AFG1L: variants seen among roughly 807,000 people sequenced by gnomAD.
AFG1L encodes the protein AFG1-like ATPase.
AFG1L carries 53 observed loss-of-function variants against 62.2 expected under a neutral mutation model. The observed-to-expected ratio is 0.85, with a 90% confidence interval of 0.68 to 1.07. The LOEUF is 1.07. Among genes scored for constraint, AFG1L ranks in the 50% least tolerant of loss-of-function variants. AFG1L has a pLI of 0.00. For synonymous variants in AFG1L, 228 were observed against 210.3 expected, an observed-to-expected ratio of 1.08 and a Z score of -0.73; for missense variants, 555 against 590.5, an observed-to-expected ratio of 0.94 and a Z score of 0.62.
chr6:108,485,643 TATATATATATA>T (rs1562189750), intron 10 of AFG1L, among the ~76,000 whole-genome samples: 14 of 19,374 alleles, frequency 7.2e-4, no homozygotes, highest in African/African-American at 3.3e-3. Context: ...TATATATATA[TATATATATATA>T]TATTTTTTTT....
intron 2 of AFG1L, among the ~76,000 whole-genome samples, chr6:108,342,301 G>C (rs1319518888): frequency 6.6e-6 from 1 of 152,178 alleles, no homozygotes; most frequent in African/African-American, 2.4e-5. Flanking sequence ...TCAGGGGAGG[G>C]GAGCACATGG....
intron 5 of AFG1L, among the ~76,000 whole-genome samples, chr6:108,362,235 T>A (rs1779568195): frequency 1.3e-5 from 2 of 152,176 alleles, no homozygotes; most frequent in Admixed American, 1.3e-4. Flanking sequence ...TAAAAAATGG[T>A]GTCTTGTTTT....
chr6:108,368,766 G>A (rs1251178537), intron 6 of AFG1L, among the ~76,000 whole-genome samples: 1 of 152,176 alleles, frequency 6.6e-6, no homozygotes, highest in Non-Finnish European at 1.5e-5. Context: ...AGGATAATTA[G>A]GCTGCTCAGA....
In AFG1L at chr6:108,399,769, C is replaced by CTTTT. The variant is rs757924406; in HGVS notation, c.749-2203_749-2200dup. On this transcript the variant is annotated intron_variant, in intron 6 of 12. Coordinates refer to ENST00000368977, the MANE Select transcript of AFG1L (RefSeq NM_145315.5). ...TGGGGTGGGGTGTGGAAGTATCTCT[C>CTTTT]TTTTTTTTTTTTTTTTTTTTTTTTT... Among the ~76,000 whole-genome samples, 10 of 42,688 alleles carry CTTTT rather than the reference C, an allele frequency of 2.3e-4. 1 individual carries two copies. The highest frequency in any genetic ancestry group is 3.6e-4 in the Non-Finnish European group (8 of 22,398). 28.0% of individuals were successfully genotyped at this position (42,688 alleles called of 152,430 possible). A position where few individuals can be genotyped will look rare whatever the true frequency, so the allele number is the denominator to read the frequency against.
chr6:108,312,400 T>G (rs1777446153), intron 1 of AFG1L, among the ~76,000 whole-genome samples: 1 of 151,820 alleles, frequency 6.6e-6, no homozygotes, highest in South Asian at 2.1e-4. Flanking sequence ...AATAAAAAAT[T>G]ACCCAGGCAT....
At chr6:108,366,579 T>TC (rs397789909) in intron 6 of AFG1L, among the ~76,000 whole-genome samples, 13 of 151,444 alleles carry the variant, frequency 8.6e-5, no homozygotes, top group Non-Finnish European at 1.5e-4. Flanking sequence ...TTTTTTTTTT[T>TC]CCCTAAATAT....
At chr6:108,323,787 A>ATT in intron 1 of AFG1L, 38 bp from the exon 2 acceptor site, 1 of 1,479,070 alleles carries the variant, frequency 6.8e-7, no homozygotes, top group Non-Finnish European at 9.4e-7. Flanking sequence ...GTGAAAATGT[A>ATT]TTTAAGAAAG....
At chr6:108,313,195 C>T (rs1382042785) in intron 1 of AFG1L, among the ~76,000 whole-genome samples, 2 of 152,106 alleles carry the variant, frequency 1.3e-5, no homozygotes, top group African/African-American at 2.4e-5. Context: ...GTTATTATTC[C>T]AGAGCCCACA....
intron 11 of AFG1L, among the ~76,000 whole-genome samples, chr6:108,515,747 C>T (rs1189207635): frequency 6.6e-6 from 1 of 152,006 alleles, no homozygotes; most frequent in Non-Finnish European, 1.5e-5. Flanking sequence ...AATTGATAGA[C>T]CACTAGCAAG....
chr6:108,349,840 C>T (rs886129096), intron 3 of AFG1L, among the ~76,000 whole-genome samples: 2 of 152,120 alleles, frequency 1.3e-5, no homozygotes, highest in Admixed American at 6.5e-5. Flanking sequence ...TCACTTGAGC[C>T]TGGGAGATCA....
At chr6:108,330,177 T>TA (rs1778214293) in intron 2 of AFG1L, among the ~76,000 whole-genome samples, 1 of 78,180 alleles carries the variant, frequency 1.3e-5, no homozygotes, top group Non-Finnish European at 4.0e-5. Flanking sequence ...ATAAATTCCT[T>TA]TTTTATTTTT....
chr6:108,409,466 G>T (rs1485704612), intron 7 of AFG1L, among the ~76,000 whole-genome samples: 1 of 152,118 alleles, frequency 6.6e-6, no homozygotes, highest in Non-Finnish European at 1.5e-5. Context: ...GGAGCGGGGG[G>T]AGAGGCAGAG....
At chr6:108,434,176 C>A (rs1362958680) in intron 7 of AFG1L, among the ~76,000 whole-genome samples, 1 of 152,152 alleles carries the variant, frequency 6.6e-6, no homozygotes, top group Non-Finnish European at 1.5e-5. Flanking sequence ...AACATAGTAC[C>A]CATGTTCACC....
chr6:108,426,833 C>T (rs1770835684), intron 7 of AFG1L, among the ~76,000 whole-genome samples: 1 of 152,078 alleles, frequency 6.6e-6, no homozygotes, highest in Non-Finnish European at 1.5e-5. Context: ...CTTCCCATCC[C>T]TCCTCCACCT....
chr6:108,426,860 C>G lies in AFG1L; in HGVS notation c.808-20354C>G, dbSNP rs181185447. Among the ~76,000 whole-genome samples the G allele has an allele frequency of 1.6e-3, 244 of 152,282 alleles. 2 individuals are homozygous for G. The highest frequency in any genetic ancestry group is 5.6e-3 in the African/African-American group (231 of 41,566). ...CCTCCACCTTCTACTCCACCTCATT[C>G]CTACTTCCCTCCCCAGGAGTAGCCA... On this transcript the variant is annotated intron_variant, in intron 7 of 12. Transcript: ENST00000368977.
At chr6:108,356,054 G>C (rs1779275462) in intron 4 of AFG1L, among the ~76,000 whole-genome samples, 1 of 152,202 alleles carries the variant, frequency 6.6e-6, no homozygotes, top group Non-Finnish European at 1.5e-5. Flanking sequence ...TTAAATAAGT[G>C]ATTCTTGATT....
rs1050947029 is a variant in AFG1L, at chr6:108,391,721, G to C, written c.749-10275G>C. Among the ~76,000 whole-genome samples, 3 of 152,224 alleles carry C rather than the reference G, an allele frequency of 2.0e-5. No individual in the cohort carries two copies. The South Asian group carries it at 6.2e-4, about 32-fold the overall frequency. On this transcript the variant is annotated intron_variant, in intron 6 of 12. Coordinates refer to ENST00000368977, the MANE Select transcript of AFG1L (RefSeq NM_145315.5). ...TCTTTGTCTAAGCCAATGTCTAGAAGGGTTTTTTTGATGTTATCTTCTGGA... is the reference window on the plus strand; with the variant it reads ...TCTTTGTCTAAGCCAATGTCTAGAACGGTTTTTTTGATGTTATCTTCTGGA...
chr6:108,401,978 A>T lies in AFG1L; in HGVS notation c.749-18A>T. On this transcript the variant is annotated intron_variant, in intron 6 of 12. Transcript: ENST00000368977. ...GATTTAGGCTAAGCAAAAAACTAATATCATTTTTTTCTTTCAGATCTCTAT... is the reference window on the plus strand; with the variant it reads ...GATTTAGGCTAAGCAAAAAACTAATTTCATTTTTTTCTTTCAGATCTCTAT... The T allele has an allele frequency of 8.0e-7, 1 of 1,246,786 alleles. No individual in the cohort carries two copies. 77.2% of individuals were successfully genotyped at this position (1,246,786 alleles called of 1,614,324 possible). A position where few individuals can be genotyped will look rare whatever the true frequency, so the allele number is the denominator to read the frequency against.
rs913445900 is a variant in AFG1L at position 108,400,608 on chromosome 6, TATA to T, written c.749-1382_749-1380del. Among the ~76,000 whole-genome samples the T allele has an allele frequency of 8.2e-5, 11 of 134,270 alleles. 1 individual carries two copies. Among genetic ancestry groups the T allele is most frequent in the African/African-American group, 2.5e-4 (9 of 36,290 alleles). 88.1% of individuals were successfully genotyped at this position (134,270 alleles called of 152,430 possible). On this transcript the variant is annotated intron_variant, in intron 6 of 12. Transcript: ENST00000368977. ...ATAATATATAATTTATATATTTATATATAATAATTTATATAAAATAATTTATAT... is the reference window on the plus strand; with the variant it reads ...ATAATATATAATTTATATATTTATATATAATTTATATAAAATAATTTATAT...
Sources: allele counts gnomAD v4.1 joint callset (sites outside exome capture counted in the v4.1 genomes callset), GRCh38; gene constraint gnomAD v4.1.1; transcripts MANE v1.5; gene names NCBI Gene and HGNC (gene_info 2026-07-23, HGNC 2026-07-21).